Variants in EDAR observed in about 807,000 individuals in gnomAD.
The protein encoded by EDAR is tumor necrosis factor receptor superfamily member EDAR.
EDAR carries 38 observed loss-of-function variants against 51.3 expected under a neutral mutation model. That is an observed-to-expected ratio of 0.74 (90% confidence interval 0.57 to 0.97). The LOEUF (loss-of-function observed/expected upper bound fraction) is 0.97, where lower values mean the gene tolerates loss of function less well. Among genes scored for constraint, EDAR ranks in the 50% least tolerant of loss-of-function variants. EDAR has a pLI of 0.00. For synonymous variants in EDAR, 227 were observed against 242.1 expected (o/e 0.94, Z 0.58); for missense variants, 528 against 595.0 (o/e 0.89, Z 1.17).
At chr2:108,976,518 A>T (rs573026299) in intron 1 of EDAR, among the ~76,000 whole-genome samples, 1 of 152,268 alleles carries the variant, frequency 6.6e-6, no homozygotes, top group East Asian at 1.9e-4. Flanking sequence ...GGCGGAGCGC[A>T]CACTTAAGGG....
intron 1 of EDAR, among the ~76,000 whole-genome samples, chr2:108,933,770 TC>T (rs201212955): frequency 0.019 from 2,862 of 151,826 alleles, 41 homozygotes; most frequent in African/African-American, 0.04. Flanking sequence ...CGACGGGAGA[TC>T]GGGGTGGCGG....
At chr2:108,902,611 C>G (rs990865257) in intron 11 of EDAR, among the ~76,000 whole-genome samples, 1 of 152,114 alleles carries the variant, frequency 6.6e-6, no homozygotes, top group Admixed American at 6.6e-5. Flanking sequence ...CAAGATCTCT[C>G]ATGAATATAA....
rs114883725 is a variant in EDAR, at chr2:108,903,989, A to G, written c.1024+2319T>C. Among the ~76,000 whole-genome samples the G allele has an allele frequency of 4.5e-3, 689 of 152,292 alleles. 4 individuals carry two copies. The highest frequency in any genetic ancestry group is 0.016 in the African/African-American group (657 of 41,580). ...TCATAAAAATTTAAAACATCATTCT[A>G]TGAAAGACCCTGTTAAGAGACTGAA... is the stretch of plus-strand genomic sequence containing the variant. On this transcript the variant is annotated intron_variant, in intron 11 of 11. Transcript: ENST00000258443.
intron 1 of EDAR, among the ~76,000 whole-genome samples, chr2:108,971,170 G>A (rs764103661): frequency 1.4e-4 from 22 of 152,152 alleles, no homozygotes; most frequent in Non-Finnish European, 7.4e-5. Context: ...CTGGCTACAT[G>A]TTTTCCGTCT....
At chr2:108,964,794 T>C (rs552616211) in intron 1 of EDAR, among the ~76,000 whole-genome samples, 8 of 152,286 alleles carry the variant, frequency 5.3e-5, no homozygotes, top group African/African-American at 1.9e-4. Context: ...CCCAGAGAGC[T>C]GAGGTTCCTA....
chr2:108,962,706 G>GAT, intron 1 of EDAR, among the ~76,000 whole-genome samples: 2 of 133,712 alleles, frequency 1.5e-5, no homozygotes, highest in African/African-American at 2.7e-5. Flanking sequence ...AAAAAAGAGA[G>GAT]AAAGGAATGC....
chr2:108,926,666 T>C (rs1036363135), intron 4 of EDAR, among the ~76,000 whole-genome samples: 5 of 152,158 alleles, frequency 3.3e-5, no homozygotes, highest in Admixed American at 6.5e-5. Context: ...TCCCAGGTCC[T>C]CCCACACAAC....
rs1451526113 is a variant in EDAR at position 108,914,797 on chromosome 2, C to T, written c.443-2033G>A. 2.0e-5 allele frequency among the ~76,000 whole-genome samples: 3 copies of T among 152,236 alleles called. No individual in the cohort carries two copies. In the East Asian group the frequency reaches 5.8e-4, roughly 29 times the overall value. ...CTGAGTCAAGGACAAGGCCAGCTGC[C>T]ATCCCCAAATCAAGGTACCTCCCCA... On this transcript the variant is annotated intron_variant, in intron 5 of 11. Transcript: ENST00000258443.
Position 108,912,109 on chromosome 2 carries a change from C to T in EDAR, c.529+569G>A, listed in dbSNP as rs538200684. ...GGTGCTCTGAGGGCTCTGGAGGGTA[C>T]CTCACGGCTCGCTGAGACCTGGGCC... On this transcript the variant is annotated intron_variant, in intron 6 of 11. Transcript: ENST00000258443. Among the ~76,000 whole-genome samples the T allele has an allele frequency of 6.2e-4, 95 of 152,236 alleles. 1 individual carries two copies. The highest frequency in any genetic ancestry group is 2.1e-3 in the African/African-American group (89 of 41,528).
intron 11 of EDAR, among the ~76,000 whole-genome samples, chr2:108,900,990 G>GA (rs1241426966): frequency 6.6e-5 from 10 of 151,850 alleles, no homozygotes; most frequent in African/African-American, 1.2e-4. Context: ...AGAACAATTA[G>GA]AAAAAAAATC....
chr2:108,953,330 C>T (rs1697860457), intron 1 of EDAR, among the ~76,000 whole-genome samples: 1 of 152,174 alleles, frequency 6.6e-6, no homozygotes, highest in African/African-American at 2.4e-5. Flanking sequence ...AAACTTCATG[C>T]TGATTTCTGG....
rs1159103929 is a variant in EDAR, at chr2:108,930,199, C to T, written c.95G>A (p.Gly32Asp). The T allele has an allele frequency of 1.4e-5, 23 of 1,614,016 alleles. No homozygotes were observed. The highest frequency in any genetic ancestry group is 2.2e-5 in the East Asian group (1 of 44,882). The change falls in exon 3 of 12, where the codon GGT becomes GAT. Residue 32 changes from glycine (G) to aspartate (D), a missense_variant. Coordinates refer to ENST00000258443, the MANE Select transcript of EDAR (RefSeq NM_022336.4). ...CSARAEYSNC[G>D]ENEYYNQTTG... ...AGTCTGGTTGTAGTACTCGTTCTCA[C>T]CGCAGTTTGAGTATTCCGCTCGGGC...
At chr2:108,941,442 C>T (rs559402207) in intron 1 of EDAR, among the ~76,000 whole-genome samples, 12 of 152,226 alleles carry the variant, frequency 7.9e-5, no homozygotes, top group African/African-American at 2.6e-4. Flanking sequence ...CAGGGCAAGG[C>T]GGAGGCACTG....
intron 9 of EDAR, among the ~76,000 whole-genome samples, chr2:108,909,315 G>A (rs1400353353): frequency 6.6e-6 from 1 of 152,176 alleles, no homozygotes; most frequent in East Asian, 1.9e-4. Flanking sequence ...CAGTCTCTAG[G>A]GAGGCCCTAT....
chr2:108,982,053 C>T (rs550682239), intron 1 of EDAR, among the ~76,000 whole-genome samples: 1 of 152,338 alleles, frequency 6.6e-6, no homozygotes, highest in South Asian at 2.1e-4. Flanking sequence ...AGATGTTTAA[C>T]GGCTCAGTAA....
At chr2:108,901,598 T>C (rs910474724) in intron 11 of EDAR, among the ~76,000 whole-genome samples, 2 of 152,062 alleles carry the variant, frequency 1.3e-5, no homozygotes, top group African/African-American at 4.8e-5. Context: ...ATTACCAATA[T>C]CAAGAATGAA....
rs145983009 is a variant in EDAR, at chr2:108,915,501, T to C, written c.443-2737A>G. Among the ~76,000 whole-genome samples, 17 of 152,372 alleles carry C rather than the reference T, an allele frequency of 1.1e-4. No homozygotes were observed. In the East Asian group the frequency reaches 3.3e-3, roughly 29 times the overall value. On this transcript the variant is annotated intron_variant, in intron 5 of 11. Transcript: ENST00000258443. Reference sequence around the variant, plus strand: ...GGCAAATGATGTTTCCTTGTGTTTCTGGATGATGAATGGAGGCTTTTTTCC... The same window carrying C: ...GGCAAATGATGTTTCCTTGTGTTTCCGGATGATGAATGGAGGCTTTTTTCC...
chr2:108,908,291 A>G (rs1390625133), intron 9 of EDAR, among the ~76,000 whole-genome samples: 1 of 152,018 alleles, frequency 6.6e-6, no homozygotes, highest in Non-Finnish European at 1.5e-5. Flanking sequence ...TGCGTGTGGG[A>G]GGCATCCACG....
intron 5 of EDAR, among the ~76,000 whole-genome samples, chr2:108,920,574 C>A (rs916598180): frequency 7.9e-5 from 12 of 152,174 alleles, no homozygotes; most frequent in African/African-American, 2.9e-4. Flanking sequence ...TCACTGAGTA[C>A]AGGCTCAGAG....
Sources: allele counts gnomAD v4.1 joint callset (sites outside exome capture counted in the v4.1 genomes callset), GRCh38; gene constraint gnomAD v4.1.1; transcripts MANE v1.5; gene names NCBI Gene and HGNC (gene_info 2026-07-23, HGNC 2026-07-21).